The following RBFOX1 variants were observed in gnomAD, a reference collection of about 807,000 sequenced individuals.
RBFOX1 encodes the protein RNA binding protein fox-1 homolog 1.
Under a neutral mutation model 57.7 loss-of-function variants are expected in RBFOX1, and 8 were observed. The ratio of observed to expected loss-of-function variants is 0.14; its 90% confidence interval spans 0.08 to 0.25. RBFOX1 has a LOEUF of 0.25. Ranked by LOEUF, RBFOX1 falls within the 10% of genes least tolerant of loss-of-function variation. RBFOX1 has a pLI of 1.00. For missense variants in RBFOX1, 611 were observed against 548.5 expected (o/e 1.11, Z -1.14); for synonymous variants, 326 against 222.4 (o/e 1.47, Z -4.15).
At chr16:6,980,207 C>T (rs546735440) in intron 3 of RBFOX1, among the ~76,000 whole-genome samples, 1 of 152,158 alleles carries the variant, frequency 6.6e-6, no homozygotes, top group Non-Finnish European at 1.5e-5. Flanking sequence ...GCAATTCTAG[C>T]TGATATAACT....
intron 1 of RBFOX1, among the ~76,000 whole-genome samples, chr16:5,396,923 C>T (rs60396565): frequency 0.099 from 15,009 of 152,196 alleles, 783 homozygotes; most frequent in South Asian, 0.15. Context: ...CCACCTTGTC[C>T]AGAATCCTAT....
At chr16:6,308,397 T>C (rs571824642) in intron 1 of RBFOX1, among the ~76,000 whole-genome samples, 43 of 152,366 alleles carry the variant, frequency 2.8e-4, no homozygotes, top group Non-Finnish European at 2.8e-4. Context: ...CTTTGTGGCA[T>C]GAAAGCAATC....
intron 4 of RBFOX1, among the ~76,000 whole-genome samples, chr16:7,392,201 C>T (rs530102504): frequency 1.3e-5 from 2 of 152,156 alleles, no homozygotes; most frequent in East Asian, 3.9e-4. Context: ...CATTTTCAGA[C>T]CTCTGCCTAC....
chr16:6,791,508 C>G (rs569713016), intron 3 of RBFOX1, among the ~76,000 whole-genome samples: 9 of 152,144 alleles, frequency 5.9e-5, no homozygotes, highest in Non-Finnish European at 1.3e-4. Context: ...CCTGTAATCC[C>G]AGCACTTCGG....
intron 3 of RBFOX1, among the ~76,000 whole-genome samples, chr16:6,917,142 T>C (rs897641503): frequency 2.0e-5 from 3 of 152,206 alleles, no homozygotes; most frequent in Non-Finnish European, 4.4e-5. Context: ...TGAGCCACTG[T>C]ACCCAGCCTG....
chr16:7,558,160 C>A (rs373137456), intron 5 of RBFOX1, among the ~76,000 whole-genome samples: 10 of 151,976 alleles, frequency 6.6e-5, no homozygotes, highest in African/African-American at 2.4e-4. Flanking sequence ...TCAAGATCAC[C>A]CTGGGAAACA....
chr16:5,523,156 C>T (rs1189903160), intron 2 of RBFOX1, among the ~76,000 whole-genome samples: 2 of 152,106 alleles, frequency 1.3e-5, no homozygotes, highest in African/African-American at 4.8e-5. Context: ...TTTGGTGGTG[C>T]ATGCCTGTAA....
intron 3 of RBFOX1, among the ~76,000 whole-genome samples, chr16:6,817,756 G>C (rs1180619930): frequency 6.6e-6 from 1 of 151,974 alleles, no homozygotes. Context: ...TGAAGGTTGT[G>C]TGTGTTAAGT....
chr16:5,331,557 C>G (rs773498001), intron 1 of RBFOX1, among the ~76,000 whole-genome samples: 1 of 152,260 alleles, frequency 6.6e-6, no homozygotes, highest in African/African-American at 2.4e-5. Context: ...CACACTCAAA[C>G]TCTTTGAGCC....
intron 4 of RBFOX1, among the ~76,000 whole-genome samples, chr16:7,503,291 C>T (rs188542505): frequency 2.6e-5 from 4 of 152,266 alleles, no homozygotes; most frequent in African/African-American, 9.6e-5. Context: ...TGCTGTCTCT[C>T]TAAGCGATTT....
chr16:5,325,060 G>A (rs1321137710), intron 1 of RBFOX1, among the ~76,000 whole-genome samples: 1 of 152,026 alleles, frequency 6.6e-6, no homozygotes, highest in Non-Finnish European at 1.5e-5. Context: ...CACATGAGCC[G>A]CTAAACTTAA....
At chr16:6,577,976 G>C (rs1322739535) in intron 2 of RBFOX1, among the ~76,000 whole-genome samples, 1 of 152,230 alleles carries the variant, frequency 6.6e-6, no homozygotes, top group Non-Finnish European at 1.5e-5. Context: ...TACCCAGTTA[G>C]GAAAGCACAG....
chr16:7,370,279 C>G (rs868575770), intron 4 of RBFOX1, among the ~76,000 whole-genome samples: 1 of 152,046 alleles, frequency 6.6e-6, no homozygotes, highest in African/African-American at 2.4e-5. Context: ...TTCTTGGTAC[C>G]CATTAAGACA....
intron 2 of RBFOX1, among the ~76,000 whole-genome samples, chr16:5,530,921 C>G (rs1429063525): frequency 2.9e-5 from 3 of 103,972 alleles, no homozygotes; most frequent in Non-Finnish European, 5.5e-5. Flanking sequence ...AACCCTGTCT[C>G]TACTAAAAAT....
intron 5 of RBFOX1, among the ~76,000 whole-genome samples, chr16:7,572,684 A>G (rs2092911266): frequency 6.6e-6 from 1 of 151,998 alleles, no homozygotes; most frequent in Admixed American, 6.6e-5. Flanking sequence ...CTAAAAATAC[A>G]AAAAATTAGC....
intron 3 of RBFOX1, among the ~76,000 whole-genome samples, chr16:5,756,407 T>A (rs191051938): frequency 1.6e-4 from 25 of 152,078 alleles, no homozygotes; most frequent in Non-Finnish European, 3.2e-4. Flanking sequence ...GATACCGTTT[T>A]TCTTCTTGCT....
At position 6,631,972 on chromosome 16, in the gene RBFOX1, T is replaced by C. The variant is rs543210776; in HGVS notation, c.-63-22631T>C. Among the ~76,000 whole-genome samples, 8 of 152,320 alleles carry C rather than the reference T, an allele frequency of 5.3e-5. No individual in the cohort carries two copies. The South Asian group carries it at 1.7e-3, about 32-fold the overall frequency. On this transcript the variant is annotated intron_variant, in intron 2 of 15. Coordinates refer to ENST00000550418, the MANE Select transcript of RBFOX1 (RefSeq NM_018723.4). Reference sequence around the variant, plus strand: ...AGAGCTATGTTGGGAGCTGGGTTTATTCTCAATGGAAGGAGAGGCCATTAG... The same window carrying C: ...AGAGCTATGTTGGGAGCTGGGTTTACTCTCAATGGAAGGAGAGGCCATTAG...
chr16:6,724,005 G>T (rs1176058175), intron 3 of RBFOX1: 1 of 152,034 alleles, frequency 6.6e-6, no homozygotes, highest in Non-Finnish European at 1.5e-5. Context: ...GGGAGAAGTG[G>T]ATATTTGCCT....
chr16:7,537,412 G>T (rs150042699), intron 5 of RBFOX1, among the ~76,000 whole-genome samples: 2 of 152,322 alleles, frequency 1.3e-5, no homozygotes, highest in East Asian at 3.9e-4. Context: ...TTACAGTGAG[G>T]AAACTGAGGC....
Sources: allele counts gnomAD v4.1 joint callset (sites outside exome capture counted in the v4.1 genomes callset), GRCh38; gene constraint gnomAD v4.1.1; transcripts MANE v1.5; gene names NCBI Gene and HGNC (gene_info 2026-07-23, HGNC 2026-07-21).